ZNF407: variants seen among roughly 807,000 people sequenced by gnomAD.
ZNF407 encodes the protein zinc finger protein 407.
A neutral mutation model predicts 131.2 loss-of-function variants in ZNF407; 17 were observed. The observed-to-expected ratio is 0.13, with a 90% CI of 0.09 to 0.19. ZNF407 has a LOEUF of 0.19. Ranked by LOEUF, ZNF407 falls within the 10% of genes least tolerant of loss-of-function variation. The pLI, the probability that ZNF407 is intolerant of heterozygous loss-of-function variation, is 1.00. For synonymous variants in ZNF407, 1,156 were observed against 1,062.0 expected (o/e 1.09, Z -1.72); for missense variants, 2,681 against 2,830.6 (o/e 0.95, Z 1.20).
At position 74,920,699 on chromosome 18, in the gene ZNF407, G is replaced by C. The variant is rs371467636; in HGVS notation, c.5428+7G>C. On this transcript the variant is annotated splice_region_variant and intron_variant, in intron 8 of 8. Coordinates refer to ENST00000299687, the MANE Select transcript of ZNF407 (RefSeq NM_017757.3). Reference sequence around the variant, plus strand: ...CTCGCTTACCTGCATGCTGGTAAGGGACAGAAACTGTGAAAACTTGTTTCT... The same window carrying C: ...CTCGCTTACCTGCATGCTGGTAAGGCACAGAAACTGTGAAAACTTGTTTCT... 1 of 1,587,582 alleles carries C rather than the reference G, an allele frequency of 6.3e-7. No individual in the cohort carries two copies. Among genetic ancestry groups the C allele is most frequent in the Admixed American group, 1.7e-5 (1 of 58,846 alleles).
At chr18:74,863,898 A>T (rs80136677) in intron 4 of ZNF407, among the ~76,000 whole-genome samples, 4,156 of 152,222 alleles carry the variant, frequency 0.027, 193 homozygotes, top group African/African-American at 0.094. Context: ...TTATAAAGTT[A>T]TGCCTGGCAG....
intron 3 of ZNF407, among the ~76,000 whole-genome samples, chr18:74,675,120 C>G (rs1986302771): frequency 6.6e-6 from 1 of 152,172 alleles, no homozygotes; most frequent in African/African-American, 2.4e-5. Flanking sequence ...ACTCTGTTGG[C>G]CTTATCTGTC....
intron 3 of ZNF407, among the ~76,000 whole-genome samples, chr18:74,649,983 A>G (rs1232089534): frequency 6.6e-6 from 1 of 152,196 alleles, no homozygotes; most frequent in African/African-American, 2.4e-5. Flanking sequence ...AAAGGATAGA[A>G]TTAACTATTA....
intron 1 of ZNF407, among the ~76,000 whole-genome samples, chr18:74,630,669 G>T (rs1317204504): frequency 2.0e-5 from 3 of 151,942 alleles, no homozygotes; most frequent in East Asian, 1.9e-4. Flanking sequence ...GTAGTAAATT[G>T]AAGTATGCTG....
chr18:74,925,504 A>G (rs1480864994), intron 8 of ZNF407, among the ~76,000 whole-genome samples: 1 of 152,232 alleles, frequency 6.6e-6, no homozygotes, highest in East Asian at 1.9e-4. Context: ...CAAATTTCCT[A>G]CATAAAAAAA....
Position 74,632,996 on chromosome 18 carries a change from G to C in ZNF407, c.1977G>C (p.Gln659His). 6.2e-7 allele frequency: 1 copy of C among 1,613,504 alleles called. No individual in the cohort carries two copies. The highest frequency in any genetic ancestry group is 8.5e-7 in the Non-Finnish European group (1 of 1,179,850). ...CATCTAACAGTGATTTGGTTTTACA[G>C]ACTTTACCTTTGAGTACTTTAGAAT... ...LQSSNSDLVL[Q>H]TLPLSTLESE... Residue 659 changes from glutamine (Q) to histidine (H), a missense_variant, in exon 2 of 9, where the codon CAG (glutamine) becomes CAC (histidine). Physicochemically the swap from Gln to His is conservative, Grantham distance 24. Transcript: ENST00000299687.
At chr18:74,918,003 T>TC (rs1024899607) in intron 7 of ZNF407, among the ~76,000 whole-genome samples, 1 of 152,142 alleles carries the variant, frequency 6.6e-6, no homozygotes, top group Non-Finnish European at 1.5e-5. Context: ...TCTGCAGAAT[T>TC]AAGGGGGTAA....
intron 3 of ZNF407, among the ~76,000 whole-genome samples, chr18:74,718,214 C>CT (rs1046704142): frequency 6.6e-6 from 1 of 151,580 alleles, no homozygotes; most frequent in Non-Finnish European, 1.5e-5. Context: ...AGCCCCCCCC[C>CT]TCCCCTTCCT....
In ZNF407 at chr18:74,635,681, C is replaced by G; in HGVS notation, c.4662C>G (p.Phe1554Leu). Residue 1554 changes from phenylalanine to leucine, a missense_variant, in exon 2 of 9, where the codon TTC (phenylalanine) becomes TTG (leucine). Transcript: ENST00000299687. The surrounding 1 kb of genome is among the most constrained non-coding windows in gnomAD (Gnocchi z 4.7). ...GTCGAAGCAGCAACTCGATGGCCTT[C>G]CTGGCACACATTCGCACTCACACAG... ...KMCRSSNSMA[F>L]LAHIRTHTGS... is the part of the protein sequence containing the mutation. The G allele has an allele frequency of 6.3e-7, 1 of 1,598,476 alleles. No homozygotes were observed. Among genetic ancestry groups the G allele is most frequent in the South Asian group, 1.1e-5 (1 of 88,216 alleles).
At chr18:75,027,542 G>C (rs917594091) in intron 8 of ZNF407, among the ~76,000 whole-genome samples, 2 of 152,170 alleles carry the variant, frequency 1.3e-5, no homozygotes, top group African/African-American at 2.4e-5. Context: ...ACTTGTTAGT[G>C]GGTTGGATAT....
intron 3 of ZNF407, among the ~76,000 whole-genome samples, chr18:74,756,842 C>T (rs1325167469): frequency 6.6e-6 from 1 of 152,022 alleles, no homozygotes; most frequent in Non-Finnish European, 1.5e-5. Flanking sequence ...TTTCTTCTTT[C>T]CAGGAATTTG....
At chr18:74,865,144 G>T (rs970264081) in intron 4 of ZNF407, among the ~76,000 whole-genome samples, 5 of 152,150 alleles carry the variant, frequency 3.3e-5, no homozygotes, top group Non-Finnish European at 7.4e-5. Context: ...CCAGGTACTT[G>T]GCCAACGCTC....
chr18:74,960,139 T>G (rs1298397976), intron 8 of ZNF407, among the ~76,000 whole-genome samples: 2 of 152,252 alleles, frequency 1.3e-5, no homozygotes, highest in East Asian at 3.8e-4. Context: ...TGCCTCTTTT[T>G]GGCACTTTTA....
intron 3 of ZNF407, among the ~76,000 whole-genome samples, chr18:74,753,145 A>G (rs1041044138): frequency 1.2e-4 from 18 of 152,134 alleles, no homozygotes; most frequent in African/African-American, 3.4e-4. Context: ...CTTTGAAGCA[A>G]TTGTGAATGG....
At chr18:74,862,615 T>C (rs1467953877) in intron 4 of ZNF407, among the ~76,000 whole-genome samples, 1 of 152,222 alleles carries the variant, frequency 6.6e-6, no homozygotes, top group African/African-American at 2.4e-5. Context: ...TACATGATAG[T>C]GGGTCCACAT....
At chr18:74,913,074 G>A (rs1019377046) in intron 7 of ZNF407, among the ~76,000 whole-genome samples, 7 of 152,162 alleles carry the variant, frequency 4.6e-5, no homozygotes, top group Admixed American at 6.5e-5. Context: ...CTTGACAAGC[G>A]TGTACAGAAA....
chr18:74,863,629 C>G (rs1436982916), intron 4 of ZNF407, among the ~76,000 whole-genome samples: 1 of 152,108 alleles, frequency 6.6e-6, no homozygotes, highest in Non-Finnish European at 1.5e-5. Flanking sequence ...TATATTGCTA[C>G]TATCTTTTTA....
chr18:74,765,847 C>T (rs1464145869), intron 3 of ZNF407, among the ~76,000 whole-genome samples: 2 of 152,128 alleles, frequency 1.3e-5, no homozygotes, highest in Non-Finnish European at 2.9e-5. Flanking sequence ...CTTTCTTTAC[C>T]TGATGTGCTA....
chr18:74,929,750 A>G (rs920688236), intron 8 of ZNF407, among the ~76,000 whole-genome samples: 5 of 152,232 alleles, frequency 3.3e-5, no homozygotes, highest in African/African-American at 1.2e-4. Flanking sequence ...CTTTCAAATT[A>G]TCAGGGAAAT....
Sources: allele counts gnomAD v4.1 joint callset (sites outside exome capture counted in the v4.1 genomes callset), GRCh38; gene constraint gnomAD v4.1.1; non-coding constraint Gnocchi (gnomAD v3.1); transcripts MANE v1.5; gene names NCBI Gene and HGNC (gene_info 2026-07-23, HGNC 2026-07-21).